The following DNAH6 variants were observed in gnomAD, a reference collection of about 807,000 sequenced individuals.
DNAH6 encodes the protein dynein axonemal heavy chain 6, also known as axonemal beta dynein heavy chain 6.
In DNAH6, 340 loss-of-function variants were observed where a neutral mutation model predicts 491.4. That is an observed-to-expected ratio of 0.69 (90% CI 0.63 to 0.76). The LOEUF (loss-of-function observed/expected upper bound fraction) is 0.76. DNAH6 is among the 30% of genes least tolerant of loss of function. DNAH6 has a pLI of 0.00. For synonymous variants in DNAH6, 1,603 were observed against 1,686.1 expected (o/e 0.95, Z 1.21); for missense variants, 4,443 against 4,972.2 (o/e 0.89, Z 3.20).
At chr2:84,547,775 G>A (rs931098067) in intron 7 of DNAH6, among the ~76,000 whole-genome samples, 163 bp downstream of exon 7, 1 of 152,096 alleles carries the variant, frequency 6.6e-6, no homozygotes, top group Non-Finnish European at 1.5e-5. Flanking sequence ...GGAAGGGAGG[G>A]AAATAGAAAA....
chr2:84,784,028 G>A (rs1350398437), intron 65 of DNAH6, among the ~76,000 whole-genome samples: 1 of 152,210 alleles, frequency 6.6e-6, no homozygotes, highest in Non-Finnish European at 1.5e-5. Flanking sequence ...AGCCAGCCTA[G>A]CATGTTTGAG....
At chr2:84,624,769 A>G (rs948496316) in intron 28 of DNAH6, 133 bp from the exon 29 acceptor site, 45 of 1,236,662 alleles carry the variant, frequency 3.6e-5, no homozygotes, top group South Asian at 8.1e-5. Flanking sequence ...AATTATGTGC[A>G]TGGATCTTTT....
At chr2:84,606,447 G>C (rs1003264290) in intron 20 of DNAH6, among the ~76,000 whole-genome samples, 1 of 152,126 alleles carries the variant, frequency 6.6e-6, no homozygotes, top group South Asian at 2.1e-4. Context: ...CACATGCTCC[G>C]TGAGAGATGC....
chr2:84,688,721 C>A, intron 45 of DNAH6, 128 bp downstream of exon 45: 1 of 685,538 alleles, frequency 1.5e-6, no homozygotes. Flanking sequence ...TTAACTCTCA[C>A]CATAACTTAA....
At chr2:84,685,705 C>G (rs1694196878) in intron 43 of DNAH6, among the ~76,000 whole-genome samples, 1 of 152,048 alleles carries the variant, frequency 6.6e-6, no homozygotes, top group Non-Finnish European at 1.5e-5. Flanking sequence ...AATCCCAGTA[C>G]TTTCGGTGGC....
chr2:84,812,188 T>C (rs1313515178), intron 72 of DNAH6, among the ~76,000 whole-genome samples, 153 bp from the exon 73 acceptor site: 1 of 152,262 alleles, frequency 6.6e-6, no homozygotes, highest in Non-Finnish European at 1.5e-5. Context: ...CGTGAAATAT[T>C]GGAGGGTCTG....
At chr2:84,512,116 G>A (rs1254282824), upstream of DNAH6, among the ~76,000 whole-genome samples, 1 of 152,060 alleles carries the variant, frequency 6.6e-6, no homozygotes, top group African/African-American at 2.4e-5. Context: ...AGGCGTGTTT[G>A]TTTTATAGTG....
the DNAH6 span, among the ~76,000 whole-genome samples, chr2:84,482,878 G>A: frequency 4.6e-5 from 7 of 152,258 alleles, no homozygotes; most frequent in South Asian, 1.5e-3. Context: ...CTGAGGAGGA[G>A]ACACTTAAAA....
chr2:84,713,342 C>T lies in DNAH6; in HGVS notation c.9543+83C>T, dbSNP rs559069461. 1.4e-4 allele frequency: 204 copies of T among 1,411,522 alleles called. No homozygotes were observed. The Admixed American group carries it at 1.5e-3, about 10-fold the overall frequency. The allele number at this position is 1,411,522 out of a possible 1,614,324, so 87.4% of individuals were successfully genotyped here. On this transcript the variant is annotated intron_variant, in intron 57 of 76. Coordinates refer to ENST00000389394, the MANE Select transcript of DNAH6 (RefSeq NM_001370.2). The stretch of plus-strand genomic sequence containing the variant: ...CTCTGAAGTTTGATGGGCTCCCACC[C>T]GGAGGGAAAGTGCTCCCCCATTCTC...
At chr2:84,557,277 T>C (rs1680130989) in intron 10 of DNAH6, among the ~76,000 whole-genome samples, 1 of 152,226 alleles carries the variant, frequency 6.6e-6, no homozygotes. Flanking sequence ...TGATTTGTCA[T>C]ATACTCAGAA....
At chr2:84,602,826 TTTCTCTGTG>T (rs1345689427) in intron 18 of DNAH6, among the ~76,000 whole-genome samples, 4 of 151,360 alleles carry the variant, frequency 2.6e-5, no homozygotes. Flanking sequence ...TTCCCTCTTT[TTTCTCTGTG>T]TGTCAGTTTC....
chr2:84,759,549 TATTTAACCAAGG>T (rs529276271), intron 63 of DNAH6, among the ~76,000 whole-genome samples: 5 of 151,776 alleles, frequency 3.3e-5, no homozygotes, highest in Non-Finnish European at 4.4e-5. Context: ...CCTAGGAATA[TATTTAACCAAGG>T]AAGTGAAAGA....
chr2:84,484,839 A>G, the DNAH6 span, among the ~76,000 whole-genome samples: 51 of 152,298 alleles, frequency 3.3e-4, no homozygotes, highest in African/African-American at 1.1e-3. Context: ...TTGGGGAGCC[A>G]TTGTTCTACC....
chr2:84,806,700 G>GATT (rs1679451097), intron 71 of DNAH6, among the ~76,000 whole-genome samples: 1 of 150,122 alleles, frequency 6.7e-6, no homozygotes, highest in Non-Finnish European at 1.5e-5. Flanking sequence ...ATCGATAGGA[G>GATT]ATTTAGATGT....
chr2:84,622,840 T>A (rs901846983), intron 26 of DNAH6, among the ~76,000 whole-genome samples: 3 of 152,050 alleles, frequency 2.0e-5, no homozygotes, highest in Admixed American at 2.0e-4. Flanking sequence ...CCAACATGGG[T>A]TATCTTTTGT....
At chr2:84,695,645 T>C (rs1474279380) in intron 46 of DNAH6, among the ~76,000 whole-genome samples, 1 of 152,066 alleles carries the variant, frequency 6.6e-6, no homozygotes, top group African/African-American at 2.4e-5. Context: ...AAAATTATAT[T>C]TTAGAAGCAT....
chr2:84,530,717 G>A (rs1677087854), intron 4 of DNAH6, among the ~76,000 whole-genome samples: 1 of 152,158 alleles, frequency 6.6e-6, no homozygotes, highest in South Asian at 2.1e-4. Context: ...TGATGATGAA[G>A]TGGTAAGAAA....
chr2:84,562,290 T>C (rs1046615165), intron 11 of DNAH6, among the ~76,000 whole-genome samples: 1 of 151,970 alleles, frequency 6.6e-6, no homozygotes, highest in Non-Finnish European at 1.5e-5. Context: ...ATAAGACACA[T>C]AGAAAATAAT....
chr2:84,735,852 G>T (rs1461089126), intron 62 of DNAH6, among the ~76,000 whole-genome samples: 4 of 151,982 alleles, frequency 2.6e-5, no homozygotes, highest in Middle Eastern at 3.2e-3. Context: ...ATTTTATTTT[G>T]CTATGCAGAA....
Sources: gnomAD v4.1 joint callset for allele counts (sites outside exome capture counted in the v4.1 genomes callset) on GRCh38, gnomAD v4.1.1 for gene constraint, MANE v1.5 for transcripts, NCBI Gene and HGNC (gene_info 2026-07-23, HGNC 2026-07-21) for gene names.